The following NLRP6 variants were observed in gnomAD, a reference collection of about 807,000 sequenced individuals.
The protein encoded by NLRP6 is NACHT, LRR and PYD domains-containing protein 6.
A neutral mutation model predicts 70.9 loss-of-function variants in NLRP6; 55 were observed. That is an observed-to-expected ratio of 0.78 (90% CI 0.62 to 0.97). NLRP6 has a LOEUF of 0.97. Ranked by LOEUF, NLRP6 falls within the 50% of genes least tolerant of loss-of-function variation. The pLI, the probability that NLRP6 is intolerant of heterozygous loss-of-function variation, is 0.00. For missense variants in NLRP6, 1,241 were observed against 1,238.3 expected (o/e 1.00, Z -0.03); for synonymous variants, 652 against 581.9 (o/e 1.12, Z -1.73).
intron 2 of NLRP6, 49 bp downstream of exon 2, chr11:279,656 C>T: frequency 2.9e-6 from 4 of 1,373,042 alleles, no homozygotes; most frequent in Non-Finnish European, 1.9e-6. Flanking sequence ...GGCTGGGCTG[C>T]CCTCCTTCCC....
Position 281,680 on chromosome 11 carries a change from T to G in NLRP6, c.1946T>G (p.Val649Gly), listed in dbSNP as rs1590270222. 1 of 1,613,358 alleles carries G rather than the reference T, an allele frequency of 6.2e-7. No individual in the cohort carries two copies. The highest frequency in any genetic ancestry group is 1.7e-5 in the Admixed American group (1 of 60,026). ...TTCCCGGAGCTGGCGCTGCAGCGAG[T>G]GCGCTTCTGCCGCATGGACGTGGCT... ...CRFPELALQR[V>G]RFCRMDVAVL... The change falls in exon 4 of 8, where the codon GTG (valine) becomes GGG (glycine). Residue 649 changes from valine to glycine, a missense_variant. Transcript: ENST00000534750.
chr11:281,900 G>C (rs1271088868), intron 4 of NLRP6, 61 bp downstream of exon 4: 4 of 1,429,042 alleles, frequency 2.8e-6, no homozygotes, highest in Non-Finnish European at 3.8e-6. Flanking sequence ...GTGCAAACCT[G>C]TGCACCTCAG....
At chr11:279,143 G>A (rs1051947774) in intron 1 of NLRP6, 184 bp from the exon 2 acceptor site, 9 of 480,030 alleles carry the variant, frequency 1.9e-5, no homozygotes, top group African/African-American at 1.2e-4. Context: ...GTCCGGGGAC[G>A]GGGGAGGGAA....
At position 281,195 on chromosome 11, in the gene NLRP6, C is replaced by T. The variant is rs1440650854; in HGVS notation, c.1461C>T (p.Gly487=). The T allele has an allele frequency of 1.2e-6, 2 of 1,613,224 alleles. No individual in the cohort carries two copies. The highest frequency in any genetic ancestry group is 1.7e-6 in the Non-Finnish European group (2 of 1,179,984). Residue 487 remains glycine, a synonymous_variant, in exon 4 of 8, where the codon GGC becomes GGT. Coordinates refer to ENST00000534750, the MANE Select transcript of NLRP6 (RefSeq NM_001276700.2). The stretch of plus-strand genomic sequence containing the variant: ...TTCTCAGCAAAAAGGAGCTGCCGGG[C>T]GTGCTGGAGACAGAGGTCACCTACC... The part of the protein sequence containing the change: ...TLFLSKKELP[G]VLETEVTYQF...
rs1267623160 is a variant in NLRP6 at position 279,565 on chromosome 11, G to A, written c.268G>A (p.Ala90Thr). Residue 90 changes from alanine (A) to threonine (T), a missense_variant, in exon 2 of 8, where the codon GCG (alanine) becomes ACG (threonine). Transcript: ENST00000534750. Reference protein sequence around the residue: ...VARKTLKRADARDVAAQLQER... With the variant: ...VARKTLKRADTRDVAAQLQER... ...CCGCAAGACCCTCAAGAGGGCGGAC[G>A]CGCGCGACGTGGCGGCGCAGCTCCA... 2.8e-6 allele frequency: 4 copies of A among 1,426,580 alleles called. No homozygotes were observed. Among genetic ancestry groups the A allele is most frequent in the Non-Finnish European group, 2.7e-6 (3 of 1,094,508 alleles). The allele number at this position is 1,426,580 out of a possible 1,614,324, so 88.4% of individuals were successfully genotyped here.
Position 281,375 on chromosome 11 carries a change from C to A in NLRP6, c.1641C>A (p.Leu547=). ...ACTTGGTGCTCACCACGCGCTTCCT[C>A]TTCGGACTGCTGAGCGCGGAGCGGA... ...HSHLVLTTRF[L]FGLLSAERMR... Residue 547 remains leucine (L), a synonymous_variant, in exon 4 of 8, where the codon CTC becomes CTA. Transcript: ENST00000534750. 1 of 1,610,504 alleles carries A rather than the reference C, an allele frequency of 6.2e-7. No homozygotes were observed. Among genetic ancestry groups the A allele is most frequent in the East Asian group, 2.2e-5 (1 of 44,860 alleles).
intron 5 of NLRP6, 53 bp downstream of exon 5, chr11:282,850 C>T: frequency 7.6e-7 from 1 of 1,311,372 alleles, no homozygotes; most frequent in Non-Finnish European, 1.1e-6. Flanking sequence ...GAGCAGGATG[C>T]CCTGGGCAGA....
intron 5 of NLRP6, among the ~76,000 whole-genome samples, chr11:283,137 G>A (rs1370906932): frequency 6.6e-6 from 1 of 152,170 alleles, no homozygotes; most frequent in Non-Finnish European, 1.5e-5. Context: ...AGAAGCAGTG[G>A]AGGAAGGTGT....
chr11:284,672 G>A (rs780994409), intron 7 of NLRP6, 30 bp downstream of exon 7: 3 of 1,574,632 alleles, frequency 1.9e-6, no homozygotes, highest in African/African-American at 1.3e-5. Context: ...GGGTGCTGGG[G>A]ACACAGCCTG....
chr11:280,744 G>A lies in NLRP6; in HGVS notation c.1010G>A (p.Arg337His), dbSNP rs1007547942. ...GCCGCCCCCGGGAGGCTGCAGGGCC[G>A]CCTGTGTTCCCCGCAGTGCGCCGAG... is the stretch of plus-strand genomic sequence containing the variant. Reference protein sequence around the residue: ...RAAAPGRLQGRLCSPQCAEVR... With the variant: ...RAAAPGRLQGHLCSPQCAEVR... The change falls in exon 4 of 8, where the codon CGC (arginine) becomes CAC (histidine). Residue 337 changes from arginine to histidine, a missense_variant. Transcript: ENST00000534750. 1 of 1,603,004 alleles carries A rather than the reference G, an allele frequency of 6.2e-7. No homozygotes were observed. Among genetic ancestry groups the A allele is most frequent in the Non-Finnish European group, 8.5e-7 (1 of 1,174,480 alleles).
At chr11:279,800 C>T (rs764186889) in intron 2 of NLRP6, 34 bp from the exon 3 acceptor site, 32 of 1,579,010 alleles carry the variant, frequency 2.0e-5, no homozygotes, top group Non-Finnish European at 2.5e-5. Context: ...CTGTTCCCGC[C>T]CTCGGCGGAA....
At chr11:282,919 G>A in intron 5 of NLRP6, 122 bp downstream of exon 5, 1 of 745,752 alleles carries the variant, frequency 1.3e-6, no homozygotes, top group Non-Finnish European at 2.4e-6. Flanking sequence ...TGAGGCCTGT[G>A]GGTGCTGGAG....
rs199475790 is a variant in NLRP6, at chr11:278,848, G to A, written c.29+250G>A. 4.2e-3 allele frequency among the ~76,000 whole-genome samples: 635 copies of A among 152,332 alleles called. 5 individuals carry two copies. Among genetic ancestry groups the A allele is most frequent in the African/African-American group, 0.015 (617 of 41,584 alleles). On this transcript the variant is annotated intron_variant, in intron 1 of 7. Transcript: ENST00000534750. The surrounding 1 kb of genome is among the most constrained non-coding windows in gnomAD (Gnocchi z 4.7). ...TGGGCCCCACCAAAGTGTGGCAGGG[G>A]TGGGGGCCCAGGAATACAGCCTGGG...
chr11:278,496 C>T lies in NLRP6; in HGVS notation c.-74C>T. The T allele has an allele frequency of 7.7e-7, 1 of 1,302,330 alleles. No individual in the cohort carries two copies. The highest frequency in any genetic ancestry group is 2.8e-5 in the East Asian group (1 of 36,280). 80.7% of individuals were successfully genotyped at this position (1,302,330 alleles called of 1,614,324 possible). A position where few individuals can be genotyped will look rare whatever the true frequency, so the allele number is the denominator to read the frequency against. ...CAACCTCTAAGACTTGGCTCCAGCT[C>T]AGCCTGTGAAGGAATCACCTCTCTG... On this transcript the variant is annotated 5_prime_UTR_variant, in exon 1 of 8. Coordinates refer to ENST00000534750, the MANE Select transcript of NLRP6 (RefSeq NM_001276700.2). This position sits in a 1 kb window ranked among gnomAD's most constrained non-coding sequence, Gnocchi z 4.7.
intron 4 of NLRP6, 102 bp downstream of exon 4, chr11:281,941 C>A: frequency 9.1e-7 from 1 of 1,093,092 alleles, no homozygotes; most frequent in Non-Finnish European, 1.3e-6. Flanking sequence ...CACCTCCAGA[C>A]CAGACCCTGG....
rs1252023539 is a variant in NLRP6 at position 280,650 on chromosome 11, C to T, written c.916C>T (p.Arg306Trp). The change falls in exon 4 of 8, where the codon CGG (arginine) becomes TGG (tryptophan). Residue 306 changes from arginine to tryptophan, a missense_variant. By Grantham distance (101) the Arg-to-Trp change is moderately radical. Transcript: ENST00000534750. ...TDPFEAASGA[R>W]VLGGLLSKAL... Reference sequence around the variant, plus strand: ...CCCCTTCGAGGCGGCGAGCGGCGCGCGGGTGCTAGGCGGGCTGCTGAGCAA... The same window carrying T: ...CCCCTTCGAGGCGGCGAGCGGCGCGTGGGTGCTAGGCGGGCTGCTGAGCAA... The T allele has an allele frequency of 1.3e-6, 2 of 1,514,438 alleles. No homozygotes were observed. Among genetic ancestry groups the T allele is most frequent in the African/African-American group, 1.4e-5 (1 of 69,310 alleles). The allele number at this position is 1,514,438 out of a possible 1,614,324, so 93.8% of individuals were successfully genotyped here. A position where few individuals can be genotyped will look rare whatever the true frequency, so the allele number is the denominator to read the frequency against.
chr11:282,815 C>T lies in NLRP6; in HGVS notation c.2198+18C>T. 1 of 1,563,164 alleles carries T rather than the reference C, an allele frequency of 6.4e-7. No individual in the cohort carries two copies. Among genetic ancestry groups the T allele is most frequent in the East Asian group, 2.2e-5 (1 of 44,634 alleles). On this transcript the variant is annotated intron_variant, in intron 5 of 7. Transcript: ENST00000534750. The stretch of plus-strand genomic sequence containing the variant: ...AGCCTCACGTGAGTGGCCACACCCC[C>T]AGCTCTTCCCACGGAGCGGGCTGAG...
Position 278,548 on chromosome 11 carries a change from G to A in NLRP6, c.-22G>A. 1 of 1,575,702 alleles carries A rather than the reference G, an allele frequency of 6.3e-7. No homozygotes were observed. ...TCCCCACCTCTGCCCCGGAGTGCTA[G>A]ACCCAGGGAGGAAGAGACCCCATGG... On this transcript the variant is annotated 5_prime_UTR_variant, in exon 1 of 8. It removes the in-frame stop codon of an upstream open reading frame in the 5' UTR. Transcript: ENST00000534750. This position sits in a 1 kb window ranked among gnomAD's most constrained non-coding sequence, Gnocchi z 4.7.
chr11:279,458 G>A lies in NLRP6; in HGVS notation c.161G>A (p.Gly54Glu). Residue 54 changes from glycine to glutamate, a missense_variant, in exon 2 of 8, where the codon GGG (glycine) becomes GAG (glutamate). Gly to Glu is a moderately conservative substitution (Grantham distance 98, BLOSUM62 -2). Coordinates refer to ENST00000534750, the MANE Select transcript of NLRP6 (RefSeq NM_001276700.2). ...CCGGACGGACGCAGCATCCCGTGGGGGCGGCTGGAGCGCGCGGACGCCGTG... is the reference window on the plus strand; with the variant it reads ...CCGGACGGACGCAGCATCCCGTGGGAGCGGCTGGAGCGCGCGGACGCCGTG... ...VGPDGRSIPW[G>E]RLERADAVDL... 2 of 1,408,332 alleles carry A rather than the reference G, an allele frequency of 1.4e-6. No homozygotes were observed. Among genetic ancestry groups the A allele is most frequent in the South Asian group, 1.5e-5 (1 of 66,282 alleles). 87.2% of individuals were successfully genotyped at this position (1,408,332 alleles called of 1,614,324 possible). A position where few individuals can be genotyped will look rare whatever the true frequency, so the allele number is the denominator to read the frequency against.
Sources: allele counts gnomAD v4.1 joint callset (sites outside exome capture counted in the v4.1 genomes callset), GRCh38; gene constraint gnomAD v4.1.1; non-coding constraint Gnocchi (gnomAD v3.1); transcripts MANE v1.5; gene names NCBI Gene and HGNC (gene_info 2026-07-23, HGNC 2026-07-21).